Variants in ATG12 observed in about 807,000 individuals in gnomAD.
ATG12 encodes ubiquitin-like protein ATG12.
A neutral mutation model predicts 17.6 loss-of-function variants in ATG12; 19 were observed. The observed-to-expected ratio is 1.08, with a 90% confidence interval of 0.75 to 1.58. ATG12 has a LOEUF of 1.58. ATG12 is among the 40% of genes most tolerant of loss of function. The probability of loss-of-function intolerance (pLI) is 0.00; values close to 1 mark genes in which losing one functional copy is unlikely to be tolerated. For synonymous variants in ATG12, 75 were observed against 62.4 expected (o/e 1.20, Z -0.95); for missense variants, 214 against 162.0 (o/e 1.32, Z -1.74).
rs752589122 is a variant in ATG12, at chr5:115,841,553, C to T, written c.-1G>A. ...ACACAGACTGCGGCTCCTCCGCCATCTTGCTTGGAGACACTCGAGAGCGGA... is the reference window on the plus strand; with the variant it reads ...ACACAGACTGCGGCTCCTCCGCCATTTTGCTTGGAGACACTCGAGAGCGGA... On this transcript the variant is annotated 5_prime_UTR_variant, in exon 1 of 4. Transcript: ENST00000509910. 2 of 1,613,840 alleles carry T rather than the reference C, an allele frequency of 1.2e-6. No individual in the cohort carries two copies. The highest frequency in any genetic ancestry group is 2.2e-5 in the South Asian group (2 of 91,078).
rs192452688 is a variant in ATG12 at position 115,831,693 on chromosome 5, C to T, written c.*111G>A. 5.3e-3 allele frequency: 5,165 copies of T among 983,724 alleles called. 28 individuals are homozygous for T. Among genetic ancestry groups the T allele is most frequent in the Non-Finnish European group, 5.9e-3 (3,760 of 638,196 alleles). The allele number at this position is 983,724 out of a possible 1,614,324, so 60.9% of individuals were successfully genotyped here. On this transcript the variant is annotated 3_prime_UTR_variant, in exon 4 of 4. Transcript: ENST00000509910. Reference sequence around the variant, plus strand: ...TGCATAAACATAGAGTAGACACATACTAAATAGATCACATCTGTTAAGTCT... The same window carrying T: ...TGCATAAACATAGAGTAGACACATATTAAATAGATCACATCTGTTAAGTCT...
intron 1 of ATG12, 189 bp from the exon 2 acceptor site, chr5:115,837,953 C>G: frequency 2.0e-6 from 1 of 495,416 alleles, no homozygotes; most frequent in South Asian, 4.3e-5. Context: ...CTACAAAGTT[C>G]TCCCAACAGG....
chr5:115,841,076 C>G, intron 1 of ATG12: 1 of 372,224 alleles, frequency 2.7e-6, no homozygotes, highest in Non-Finnish European at 5.0e-6. Flanking sequence ...TTACCGAGAC[C>G]CCCCTCCCCC....
chr5:115,835,728 T>C (rs1406528194), intron 2 of ATG12, among the ~76,000 whole-genome samples: 1 of 152,156 alleles, frequency 6.6e-6, no homozygotes, highest in Non-Finnish European at 1.5e-5. Context: ...CCGGTCAGGA[T>C]CTATTAGCGT....
chr5:115,841,132 C>T (rs1200915920), intron 1 of ATG12: 1 of 370,144 alleles, frequency 2.7e-6, no homozygotes, highest in South Asian at 2.1e-5. Context: ...CGCAGTCTGG[C>T]CAACTCAAAA....
intron 1 of ATG12, chr5:115,840,945 GA>G (rs549201292): frequency 1.3e-4 from 163 of 1,229,680 alleles, no homozygotes; most frequent in Non-Finnish European, 1.7e-4. Context: ...CTGGGAGGGG[GA>G]AAAAAGCAAA....
At chr5:115,841,081 T>TCCACCCC in intron 1 of ATG12, 1 of 171,314 alleles carries the variant, frequency 5.8e-6, no homozygotes, top group South Asian at 3.6e-5. Context: ...GAGACCCCCC[T>TCCACCCC]CCCCCCGCCC....
At chr5:115,837,995 G>C (rs1761175897) in intron 1 of ATG12, 3 of 381,406 alleles carry the variant, frequency 7.9e-6, no homozygotes, top group Non-Finnish European at 1.4e-5. Flanking sequence ...TATCTTAACA[G>C]GCAGTTCCAA....
intron 2 of ATG12, chr5:115,834,243 G>A (rs930152317): frequency 1.3e-5 from 2 of 152,114 alleles, no homozygotes; most frequent in African/African-American, 4.8e-5. Flanking sequence ...CCAACCAAAG[G>A]CATTCAATGT....
In ATG12 at chr5:115,841,484, C is replaced by G. The variant is rs772236454; in HGVS notation, c.69G>C (p.Thr23=). The G allele has an allele frequency of 1.9e-6, 3 of 1,611,748 alleles. No homozygotes were observed. Among genetic ancestry groups the G allele is most frequent in the Admixed American group, 3.4e-5 (2 of 59,210 alleles). Residue 23 remains threonine, a synonymous_variant, in exon 1 of 4, where the codon ACG becomes ACC. Transcript: ENST00000509910. ...TSIAAGGEGL[T]DVSPETTTPE... is the part of the protein sequence containing the mutation. ...GGGTGGTTGTTTCTGGGGAGACATC[C>G]GTAAGTCCTTCCCCTCCAGCAGCAA... is the stretch of plus-strand genomic sequence containing the variant.
intron 2 of ATG12, chr5:115,833,065 T>C (rs1171583175): frequency 6.4e-6 from 1 of 156,720 alleles, no homozygotes; most frequent in African/African-American, 2.4e-5. Context: ...ATATTCAAGG[T>C]AGTTTGTACA....
At chr5:115,833,029 C>A in intron 2 of ATG12, 1 of 168,350 alleles carries the variant, frequency 5.9e-6, no homozygotes, top group Non-Finnish European at 1.3e-5. Context: ...ATTACACAGG[C>A]ACACAGCCAA....
At chr5:115,832,501 C>G in intron 3 of ATG12, 101 bp downstream of exon 3, 1 of 1,212,560 alleles carries the variant, frequency 8.2e-7, no homozygotes, top group Non-Finnish European at 1.1e-6. Flanking sequence ...TGTGAATTAA[C>G]AATACTACAC....
In ATG12 at chr5:115,841,541, C is replaced by T; in HGVS notation, c.12G>A (p.Glu4=). 6.2e-7 allele frequency: 1 copy of T among 1,613,658 alleles called. No individual in the cohort carries two copies. Among genetic ancestry groups the T allele is most frequent in the Non-Finnish European group, 8.5e-7 (1 of 1,179,822 alleles). MAE[E]PQSVLQLPTS... Reference sequence around the variant, plus strand: ...TAGGAAGCTGCAACACAGACTGCGGCTCCTCCGCCATCTTGCTTGGAGACA... The same window carrying T: ...TAGGAAGCTGCAACACAGACTGCGGTTCCTCCGCCATCTTGCTTGGAGACA... The change falls in exon 1 of 4, where the codon GAG becomes GAA. Residue 4 remains glutamate, a synonymous_variant. Coordinates refer to ENST00000509910, the MANE Select transcript of ATG12 (RefSeq NM_004707.4).
chr5:115,841,053 T>G, intron 1 of ATG12: 1 of 463,420 alleles, frequency 2.2e-6, no homozygotes, highest in South Asian at 1.9e-5. Flanking sequence ...GCTCCTGTGT[T>G]AAGTACCTGG....
At chr5:115,832,507 T>A in intron 3 of ATG12, 95 bp downstream of exon 3, 1 of 1,290,138 alleles carries the variant, frequency 7.8e-7, no homozygotes, top group Admixed American at 3.6e-5. Context: ...TTAACAATAC[T>A]ACACAATATA....
rs929730775 is a variant in ATG12, at chr5:115,828,889, A to C, written c.*2915T>G. On this transcript the variant is annotated 3_prime_UTR_variant, in exon 4 of 4. Coordinates refer to ENST00000509910, the MANE Select transcript of ATG12 (RefSeq NM_004707.4). The stretch of plus-strand genomic sequence containing the variant: ...TGCTCTAAGTGTTTTTATGAGAGAA[A>C]GGGTATCTTCTCCTTGAATGATTCA... 3.3e-5 allele frequency: 5 copies of C among 152,306 alleles called. No homozygotes were observed. The allele number at this position is 152,306 out of a possible 1,614,324, so 9.4% of individuals were successfully genotyped here.
chr5:115,839,673 T>G (rs1487982743), intron 1 of ATG12, among the ~76,000 whole-genome samples: 1 of 152,198 alleles, frequency 6.6e-6, no homozygotes, highest in Non-Finnish European at 1.5e-5. Context: ...GGGAAACACT[T>G]ACTCCCCAGG....
Position 115,837,778 on chromosome 5 carries a change from A to G in ATG12, c.164-14T>C. On this transcript the variant is annotated splice_polypyrimidine_tract_variant and intron_variant, in intron 1 of 3. Coordinates refer to ENST00000509910, the MANE Select transcript of ATG12 (RefSeq NM_004707.4). The stretch of plus-strand genomic sequence containing the variant: ...GCAAAATGTCAACTGTAAAAGAAGA[A>G]TAAAATTTACTGACAATTACACTGA... 1 of 1,582,782 alleles carries G rather than the reference A, an allele frequency of 6.3e-7. No individual in the cohort carries two copies. The highest frequency in any genetic ancestry group is 8.6e-7 in the Non-Finnish European group (1 of 1,169,328).
Sources: gnomAD v4.1 joint callset for allele counts (sites outside exome capture counted in the v4.1 genomes callset) on GRCh38, gnomAD v4.1.1 for gene constraint, MANE v1.5 for transcripts, NCBI Gene and HGNC (gene_info 2026-07-23, HGNC 2026-07-21) for gene names.